PDE1C: variants seen among roughly 807,000 people sequenced by gnomAD.
The protein encoded by PDE1C is dual specificity calcium/calmodulin-dependent 3',5'-cyclic nucleotide phosphodiesterase 1C.
A neutral mutation model predicts 93.1 loss-of-function variants in PDE1C; 62 were observed. That is an observed-to-expected ratio of 0.67 (90% CI 0.54 to 0.82). The LOEUF (loss-of-function observed/expected upper bound fraction) is 0.82, where lower values mean the gene tolerates loss of function less well. Among genes scored for constraint, PDE1C ranks in the 40% least tolerant of loss-of-function variants. PDE1C has a pLI of 0.00. For missense variants in PDE1C, 742 were observed against 884.6 expected (o/e 0.84, Z 2.04); for synonymous variants, 325 against 310.1 (o/e 1.05, Z -0.50).
intron 13 of PDE1C, among the ~76,000 whole-genome samples, chr7:31,824,457 T>A (rs1789406923): frequency 6.6e-6 from 1 of 152,092 alleles, no homozygotes; most frequent in African/African-American, 2.4e-5. Context: ...GATTTCAAGC[T>A]TTCGATTCTT....
intron 2 of PDE1C, among the ~76,000 whole-genome samples, chr7:31,908,964 C>T (rs2128934057): frequency 6.6e-6 from 1 of 152,288 alleles, no homozygotes; most frequent in East Asian, 1.9e-4. Context: ...ATAAATTCTG[C>T]CTGTGGACAG....
At chr7:32,255,326 A>T (rs776659087) in intron 1 of PDE1C, among the ~76,000 whole-genome samples, 3 of 151,980 alleles carry the variant, frequency 2.0e-5, no homozygotes, top group Non-Finnish European at 4.4e-5. Flanking sequence ...GACGCAGGGG[A>T]GGGGAAGGAG....
chr7:31,627,094 C>T, the PDE1C span, among the ~76,000 whole-genome samples: 1 of 152,134 alleles, frequency 6.6e-6, no homozygotes, highest in East Asian at 1.9e-4. Flanking sequence ...TAGTGTTTTC[C>T]ATTACCATCT....
rs768945874 is a variant in PDE1C, at chr7:31,816,141, C to G, written c.1596G>C (p.Lys532Asn). The change falls in exon 15 of 18, where the codon AAG (lysine) becomes AAC (asparagine). Residue 532 changes from lysine (K) to asparagine (N), a missense_variant. Around this residue, in one of 4 missense-constraint regions of PDE1C, gnomAD observed 454 missense variants for 459.4 expected, o/e 0.99. Transcript: ENST00000396191. ...RAKVPKEEKAKKEAEEKARLA... is the reference protein window; with the variant it reads ...RAKVPKEEKANKEAEEKARLA... ...GGCGAGCCTTTTCCTCTGCTTCCTT[C>G]TTGGCCTTCTCCTCTGCATCCATGG... The G allele has an allele frequency of 1.9e-5, 30 of 1,613,690 alleles. No individual in the cohort carries two copies. The highest frequency in any genetic ancestry group is 8.5e-7 in the Non-Finnish European group (1 of 1,179,902).
intron 17 of PDE1C, among the ~76,000 whole-genome samples, chr7:31,758,962 T>C (rs1794658392): frequency 6.6e-6 from 1 of 152,174 alleles, no homozygotes; most frequent in Non-Finnish European, 1.5e-5. Flanking sequence ...TTCCCACTTC[T>C]CAGCATGAAG....
chr7:32,310,308 T>G (rs1011773273), intron 1 of PDE1C, among the ~76,000 whole-genome samples: 1 of 152,034 alleles, frequency 6.6e-6, no homozygotes, highest in South Asian at 2.1e-4. Flanking sequence ...AATGGGAGAC[T>G]TTAACACCCC....
At chr7:32,045,824 TC>T (rs1792474836) in intron 2 of PDE1C, among the ~76,000 whole-genome samples, 1 of 152,160 alleles carries the variant, frequency 6.6e-6, no homozygotes, top group Admixed American at 6.5e-5. Context: ...GCAGGCAGCC[TC>T]CCACAGGGTG....
At chr7:32,062,137 G>A (rs1226574535) in intron 1 of PDE1C, among the ~76,000 whole-genome samples, 3 of 151,962 alleles carry the variant, frequency 2.0e-5, no homozygotes, top group East Asian at 3.9e-4. Flanking sequence ...TCCCACTCAC[G>A]ACAAGACCTG....
At chr7:32,065,374 G>C (rs1027465054) in intron 1 of PDE1C, among the ~76,000 whole-genome samples, 3 of 152,204 alleles carry the variant, frequency 2.0e-5, no homozygotes, top group Non-Finnish European at 2.9e-5. Flanking sequence ...AATGAAAAGA[G>C]TCTAAGCAAG....
intron 3 of PDE1C, among the ~76,000 whole-genome samples, chr7:32,158,593 C>T (rs1046227677): frequency 3.3e-5 from 5 of 152,182 alleles, no homozygotes; most frequent in South Asian, 2.1e-4. Flanking sequence ...AAATTGTCCA[C>T]GTACTTCCTC....
chr7:31,913,364 G>A (rs17160692), intron 2 of PDE1C, among the ~76,000 whole-genome samples: 7,974 of 152,068 alleles, frequency 0.052, 314 homozygotes, highest in African/African-American at 0.11. Flanking sequence ...AATGCTTTAC[G>A]GAGGTTATGT....
At chr7:31,938,734 A>G (rs1006448135) in intron 2 of PDE1C, among the ~76,000 whole-genome samples, 1 of 152,174 alleles carries the variant, frequency 6.6e-6, no homozygotes, top group African/African-American at 2.4e-5. Flanking sequence ...TAGCACATAA[A>G]ACTATTCAAT....
intron 7 of PDE1C, among the ~76,000 whole-genome samples, chr7:31,858,577 A>G (rs1337757736): frequency 6.6e-6 from 1 of 152,164 alleles, no homozygotes; most frequent in Non-Finnish European, 1.5e-5. Flanking sequence ...TTAGGAGTGA[A>G]GAAGATGCAT....
At chr7:31,644,594 TGAGCCTATTTAAAGGTG>T in the PDE1C span, among the ~76,000 whole-genome samples, 1 of 152,226 alleles carries the variant, frequency 6.6e-6, no homozygotes, top group Admixed American at 6.5e-5. Context: ...CTACCTTTGC[TGAGCCTATTTAAAGGTG>T]GACCCTATAG....
At chr7:31,680,925 G>C in the PDE1C span, among the ~76,000 whole-genome samples, 2 of 152,146 alleles carry the variant, frequency 1.3e-5, no homozygotes, top group Non-Finnish European at 2.9e-5. Context: ...GCATCAGAAA[G>C]CTCTGATACC....
At chr7:32,204,750 A>G (rs62456320) in intron 2 of PDE1C, among the ~76,000 whole-genome samples, 51,636 of 151,886 alleles carry the variant, frequency 0.34, 9,331 homozygotes, top group Admixed American at 0.46. Context: ...AGCCTCAGCT[A>G]ATGCTCACTT....
intron 1 of PDE1C, among the ~76,000 whole-genome samples, chr7:32,305,690 A>G (rs1228828416): frequency 6.6e-6 from 1 of 152,194 alleles, no homozygotes; most frequent in African/African-American, 2.4e-5. Flanking sequence ...AGCATTTCTC[A>G]TCTGACTCGT....
At chr7:31,628,954 A>C in the PDE1C span, among the ~76,000 whole-genome samples, 1 of 152,234 alleles carries the variant, frequency 6.6e-6, no homozygotes, top group African/African-American at 2.4e-5. Flanking sequence ...AAAAACAAAA[A>C]AACATTTGGA....
intron 2 of PDE1C, among the ~76,000 whole-genome samples, chr7:32,177,022 A>G (rs1803043718): frequency 6.6e-6 from 1 of 152,212 alleles, no homozygotes. Flanking sequence ...TTCAAAAAGT[A>G]AAAAAACTTT....
Sources: gnomAD v4.1 joint callset for allele counts (sites outside exome capture counted in the v4.1 genomes callset) on GRCh38, gnomAD v4.1.1 for gene constraint, gnomAD v4.1.1 regional missense constraint, MANE v1.5 for transcripts, NCBI Gene and HGNC (gene_info 2026-07-23, HGNC 2026-07-21) for gene names.